Variants in CEP83 observed in about 807,000 individuals in gnomAD.
CEP83 encodes centrosomal protein 83.
CEP83 carries 70 observed loss-of-function variants against 101.9 expected under a neutral mutation model. That is an observed-to-expected ratio of 0.69 (90% CI 0.57 to 0.84). The LOEUF is 0.84. Among genes scored for constraint, CEP83 ranks in the 40% least tolerant of loss-of-function variants. CEP83 has a pLI of 0.00. For synonymous variants in CEP83, 264 were observed against 267.9 expected, an observed-to-expected ratio of 0.99 and a Z score of 0.14; for missense variants, 715 against 787.2, an observed-to-expected ratio of 0.91 and a Z score of 1.10.
At chr12:94,295,669 G>A in the CEP83 span, among the ~76,000 whole-genome samples, 28 of 152,190 alleles carry the variant, frequency 1.8e-4, no homozygotes, top group Non-Finnish European at 2.5e-4. Flanking sequence ...TGAACCCAAC[G>A]ATTATCCTTT....
intron 1 of CEP83, among the ~76,000 whole-genome samples, chr12:94,449,054 C>G (rs1290660919): frequency 6.7e-6 from 1 of 148,292 alleles, no homozygotes; most frequent in African/African-American, 2.5e-5. Flanking sequence ...CTATACTGAC[C>G]AAGAAAATAA....
chr12:94,379,056 T>C lies in CEP83; in HGVS notation c.550-14A>G. The C allele has an allele frequency of 6.3e-7, 1 of 1,575,070 alleles. No individual in the cohort carries two copies. Among genetic ancestry groups the C allele is most frequent in the Non-Finnish European group, 8.7e-7 (1 of 1,153,736 alleles). On this transcript the variant is annotated splice_polypyrimidine_tract_variant and intron_variant, in intron 6 of 16. Transcript: ENST00000397809. ...CAGTCTTGCAATCTAATAATAATTT[T>C]AAAGAAAGCATACAAGGTTAAATTA...
At position 94,412,543 on chromosome 12, in the gene CEP83, T is replaced by G; in HGVS notation, c.-53A>C. 1 of 1,527,028 alleles carries G rather than the reference T, an allele frequency of 6.5e-7. No individual in the cohort carries two copies. Among genetic ancestry groups the G allele is most frequent in the Non-Finnish European group, 9.0e-7 (1 of 1,112,644 alleles). The allele number at this position is 1,527,028 out of a possible 1,614,324, so 94.6% of individuals were successfully genotyped here. A position where few individuals can be genotyped will look rare whatever the true frequency, so the allele number is the denominator to read the frequency against. On this transcript the variant is annotated 5_prime_UTR_variant, in exon 3 of 17. Coordinates refer to ENST00000397809, the MANE Select transcript of CEP83 (RefSeq NM_016122.3). ...GTTTTAGTTTTCTTTCCAAGGGTAT[T>G]TCCCACTCCTTTCTTGCTAAGGCAG...
At chr12:94,326,889 T>G (rs1187267929) in intron 14 of CEP83, among the ~76,000 whole-genome samples, 1 of 152,206 alleles carries the variant, frequency 6.6e-6, no homozygotes, top group Non-Finnish European at 1.5e-5. Flanking sequence ...ACTCTGACTG[T>G]AGATTTCTAG....
rs151027473 is a variant in CEP83 at position 94,337,351 on chromosome 12, T to G, written c.1344-1687A>C. Among the ~76,000 whole-genome samples, 119 of 152,322 alleles carry G rather than the reference T, an allele frequency of 7.8e-4. 1 individual carries two copies. In the East Asian group the frequency reaches 0.022, roughly 28 times the overall value. ...AAGATGATATACAACAAGACCTTCC[T>G]TCAGGTCATTTTGTTGAAGCAGTAC... is the stretch of plus-strand genomic sequence containing the variant. On this transcript the variant is annotated intron_variant, in intron 11 of 16. Transcript: ENST00000397809.
chr12:94,301,140 A>G, the CEP83 span: 1 of 1,282,280 alleles, frequency 7.8e-7, no homozygotes, highest in Non-Finnish European at 1.1e-6. Context: ...CAAATAATAA[A>G]CAATTGGTCT....
chr12:94,416,321 T>G (rs2064261770), intron 2 of CEP83, among the ~76,000 whole-genome samples: 1 of 152,172 alleles, frequency 6.6e-6, no homozygotes, highest in Non-Finnish European at 1.5e-5. Flanking sequence ...GCTGACTAGC[T>G]ATGGACCTGA....
chr12:94,360,429 A>AT (rs1174186038), intron 11 of CEP83, among the ~76,000 whole-genome samples: 1 of 151,504 alleles, frequency 6.6e-6, no homozygotes, highest in Non-Finnish European at 1.5e-5. Flanking sequence ...AAGTTTCAGG[A>AT]TAAAAAAACT....
chr12:94,419,447 A>G (rs186035375), intron 2 of CEP83, among the ~76,000 whole-genome samples: 86 of 152,304 alleles, frequency 5.6e-4, no homozygotes, highest in Middle Eastern at 3.4e-3. Context: ...AGATGATGTG[A>G]TATCAATTAA....
chr12:94,298,621 C>G, the CEP83 span: 1 of 1,576,222 alleles, frequency 6.3e-7, no homozygotes, highest in Non-Finnish European at 8.6e-7. Flanking sequence ...CTGATGTTGT[C>G]TATCTTTCAG....
chr12:94,284,638 G>A, the CEP83 span, among the ~76,000 whole-genome samples: 7 of 152,162 alleles, frequency 4.6e-5, no homozygotes, highest in Middle Eastern at 3.4e-3. Flanking sequence ...AGATGGGTAC[G>A]ATGAGGCTCT....
At chr12:94,417,340 C>CA (rs933499956) in intron 2 of CEP83, among the ~76,000 whole-genome samples, 4 of 151,838 alleles carry the variant, frequency 2.6e-5, no homozygotes, top group Non-Finnish European at 4.4e-5. Context: ...AAAACACAAA[C>CA]AAAAAAACCT....
At chr12:94,381,401 A>G (rs1226204187) in intron 6 of CEP83, among the ~76,000 whole-genome samples, 1 of 152,192 alleles carries the variant, frequency 6.6e-6, no homozygotes, top group African/African-American at 2.4e-5. Flanking sequence ...TCTATTCTAA[A>G]TACAAACTTA....
chr12:94,354,122 C>A (rs2060330694), intron 11 of CEP83, among the ~76,000 whole-genome samples: 1 of 152,034 alleles, frequency 6.6e-6, no homozygotes. Context: ...CACTGTAGAC[C>A]AAATGGACTT....
chr12:94,324,141 C>G (rs923176222), intron 14 of CEP83, among the ~76,000 whole-genome samples: 1 of 152,178 alleles, frequency 6.6e-6, no homozygotes, highest in Non-Finnish European at 1.5e-5. Context: ...CTATCAGGTT[C>G]TAATCTCATA....
chr12:94,324,839 C>T (rs930223702), intron 14 of CEP83, among the ~76,000 whole-genome samples: 1 of 152,176 alleles, frequency 6.6e-6, no homozygotes, highest in Non-Finnish European at 1.5e-5. Context: ...AGAGATTCTT[C>T]AAAAATGTAA....
At chr12:94,320,326 C>T (rs1285596801) in intron 14 of CEP83, among the ~76,000 whole-genome samples, 1 of 152,146 alleles carries the variant, frequency 6.6e-6, no homozygotes, top group African/African-American at 2.4e-5. Flanking sequence ...TAAATGGGGG[C>T]ACTTAGCCCA....
downstream of CEP83, chr12:94,306,595 C>T (rs1383266731): frequency 1.3e-5 from 2 of 152,110 alleles, no homozygotes; most frequent in Admixed American, 6.6e-5. Flanking sequence ...GTGGCAGGCA[C>T]CTTTTACCCT....
chr12:94,335,733 A>G, intron 11 of CEP83, 69 bp from the exon 12 acceptor site: 2 of 1,048,674 alleles, frequency 1.9e-6, no homozygotes, highest in Non-Finnish European at 2.8e-6. Flanking sequence ...TGAATTAAAG[A>G]GTCATTTTAT....
Sources: allele counts gnomAD v4.1 joint callset (sites outside exome capture counted in the v4.1 genomes callset), GRCh38; gene constraint gnomAD v4.1.1; transcripts MANE v1.5; gene names NCBI Gene and HGNC (gene_info 2026-07-23, HGNC 2026-07-21).